Variants in KLF8 observed in about 807,000 individuals in gnomAD.
KLF8 encodes KLF transcription factor 8, also known as Krueppel-like factor 8.
Under a neutral mutation model 18.2 loss-of-function variants are expected in KLF8, and 10 were observed. The observed-to-expected ratio is 0.55, with a 90% CI of 0.34 to 0.93. The LOEUF is 0.93. KLF8 is among the 40% of genes least tolerant of loss of function. The probability of loss-of-function intolerance (pLI) is 0.02; values close to 1 mark genes in which losing one functional copy is unlikely to be tolerated. For synonymous variants in KLF8, 109 were observed against 97.3 expected, an observed-to-expected ratio of 1.12 and a Z score of -0.71; for missense variants, 264 against 277.9, an observed-to-expected ratio of 0.95 and a Z score of 0.36.
chrX:56,283,673 A>G (rs868289989), intron 5 of KLF8, among the ~76,000 whole-genome samples: 25 of 112,273 alleles, frequency 2.2e-4, no homozygotes, highest in African/African-American at 7.8e-4. Flanking sequence ...ACCGGACCAT[A>G]TGGCTCTATT....
the KLF8 span, among the ~76,000 whole-genome samples, chrX:56,209,718 T>A: frequency 1.8e-5 from 2 of 112,086 alleles, no homozygotes; most frequent in African/African-American, 6.5e-5. Context: ...CTACCTTCTT[T>A]CTTTCCTTTC....
chrX:55,960,443 G>A, the KLF8 span, among the ~76,000 whole-genome samples: 1 of 111,380 alleles, frequency 9.0e-6, no homozygotes, highest in Non-Finnish European at 1.9e-5. Flanking sequence ...GTGATCACAG[G>A]GGCAGAGGTT....
chrX:56,146,356 T>A, the KLF8 span, among the ~76,000 whole-genome samples: 1 of 111,969 alleles, frequency 8.9e-6, no homozygotes, highest in African/African-American at 3.2e-5. Flanking sequence ...GTGCAGCACA[T>A]ATACACCATG....
chrX:56,137,288 A>T, the KLF8 span, among the ~76,000 whole-genome samples: 1 of 108,741 alleles, frequency 9.2e-6, no homozygotes, highest in South Asian at 4.1e-4. Flanking sequence ...TCATGCTGCT[A>T]TAAAGACACA....
chrX:56,264,079 T>C (rs1438048124), intron 2 of KLF8, among the ~76,000 whole-genome samples: 1 of 111,950 alleles, frequency 8.9e-6, no homozygotes, highest in Non-Finnish European at 1.9e-5. Context: ...CTTGTTTGTT[T>C]ACTGGCTAAA....
the KLF8 span, among the ~76,000 whole-genome samples, chrX:56,129,966 C>G: frequency 5.8e-3 from 641 of 110,735 alleles, 3 homozygotes; most frequent in Non-Finnish European, 9.6e-3. Context: ...GAGCATTACT[C>G]CATTGACATG....
chrX:56,204,736 T>C, the KLF8 span, among the ~76,000 whole-genome samples: 1 of 111,376 alleles, frequency 9.0e-6, no homozygotes, highest in South Asian at 3.8e-4. Context: ...CCTTCTGTTG[T>C]CCTATGAAAG....
chrX:56,211,166 G>A, the KLF8 span, among the ~76,000 whole-genome samples: 12 of 111,879 alleles, frequency 1.1e-4, no homozygotes, highest in Admixed American at 9.5e-5. Flanking sequence ...ATTTGTCGCC[G>A]TCCTATTTGG....
chrX:56,203,426 T>G, the KLF8 span, among the ~76,000 whole-genome samples: 4 of 111,962 alleles, frequency 3.6e-5, no homozygotes, highest in Non-Finnish European at 3.8e-5. Context: ...GCTTTCTAAC[T>G]TCATGTGATC....
the KLF8 span, among the ~76,000 whole-genome samples, chrX:56,002,950 G>A: frequency 8.0e-5 from 9 of 112,559 alleles, no homozygotes; most frequent in African/African-American, 2.9e-4. Context: ...TAAAATGAGT[G>A]AAGGGGATAG....
the KLF8 span, among the ~76,000 whole-genome samples, chrX:55,988,137 C>A: frequency 9.0e-6 from 1 of 111,707 alleles, no homozygotes; most frequent in Non-Finnish European, 1.9e-5. Flanking sequence ...AAAATTTTCT[C>A]CCATTCTGTA....
At chrX:56,187,166 C>T in the KLF8 span, among the ~76,000 whole-genome samples, 14 of 110,990 alleles carry the variant, frequency 1.3e-4, no homozygotes, top group African/African-American at 3.3e-4. Flanking sequence ...ATCAAATAGA[C>T]GCAATAAAAA....
At chrX:56,143,967 TA>T in the KLF8 span, among the ~76,000 whole-genome samples, 1 of 111,841 alleles carries the variant, frequency 8.9e-6, no homozygotes, top group Non-Finnish European at 1.9e-5. Flanking sequence ...TATTACAAAA[TA>T]TGGGAAACCC....
chrX:56,227,974 G>A (rs2066380498), upstream of KLF8, among the ~76,000 whole-genome samples: 1 of 109,535 alleles, frequency 9.1e-6, no homozygotes. Context: ...TAAATTTATA[G>A]GACTCAGCAG....
chrX:56,274,779 G>A (rs1435816408), intron 5 of KLF8, among the ~76,000 whole-genome samples: 1 of 111,710 alleles, frequency 9.0e-6, no homozygotes, highest in African/African-American at 3.3e-5. Flanking sequence ...CCCAATGTAT[G>A]ATCTCAGCAC....
At chrX:56,196,688 C>A in the KLF8 span, among the ~76,000 whole-genome samples, 3 of 111,441 alleles carry the variant, frequency 2.7e-5, no homozygotes, top group African/African-American at 9.8e-5. Flanking sequence ...CACAGATCAA[C>A]AAGACAGAAG....
At chrX:56,168,986 A>G in the KLF8 span, among the ~76,000 whole-genome samples, 1 of 111,708 alleles carries the variant, frequency 9.0e-6, no homozygotes, top group African/African-American at 3.3e-5. Context: ...CTCTAGTAAC[A>G]AAATAGTATG....
the KLF8 span, among the ~76,000 whole-genome samples, chrX:56,202,559 T>TCCCCCCCCCC: frequency 7.9e-5 from 6 of 75,805 alleles, no homozygotes; most frequent in Non-Finnish European, 1.3e-4. Flanking sequence ...CCATTAACCT[T>TCCCCCCCCCC]CCCCCCCCCT....
At chrX:56,202,203 C>CT in the KLF8 span, among the ~76,000 whole-genome samples, 122 of 105,806 alleles carry the variant, frequency 1.2e-3, no homozygotes, top group Middle Eastern at 9.5e-3. Context: ...GAGACCCTAC[C>CT]TTTTTTTTTT....
Sources: gnomAD v4.1 joint callset for allele counts (sites outside exome capture counted in the v4.1 genomes callset) on GRCh38, gnomAD v4.1.1 for gene constraint, MANE v1.5 for transcripts, NCBI Gene and HGNC (gene_info 2026-07-23, HGNC 2026-07-21) for gene names.